Variants in BMAL1 observed in about 807,000 individuals in gnomAD.
BMAL1 encodes basic helix-loop-helix ARNT like 1.
chr11:13,348,945 A>G, the BMAL1 span, among the ~76,000 whole-genome samples: 1 of 152,218 alleles, frequency 6.6e-6, no homozygotes. Context: ...AAAGGTCAGG[A>G]AAGCCCCGTT....
At chr11:13,377,893 G>A in the BMAL1 span, among the ~76,000 whole-genome samples, 1 of 152,180 alleles carries the variant, frequency 6.6e-6, no homozygotes, top group Non-Finnish European at 1.5e-5. Context: ...CTCAGCTCGG[G>A]GTTAACTTGC....
the BMAL1 span, among the ~76,000 whole-genome samples, chr11:13,377,269 G>T: frequency 2.0e-5 from 3 of 152,126 alleles, no homozygotes; most frequent in Admixed American, 1.3e-4. Context: ...CCGAGCTCCA[G>T]ATCTGTCTCT....
chr11:13,363,127 CATATATAT>C, the BMAL1 span, among the ~76,000 whole-genome samples: 2,397 of 109,790 alleles, frequency 0.022, 47 homozygotes, highest in African/African-American at 0.041. Context: ...GTCTTTATTT[CATATATAT>C]ATATATATAT....
At chr11:13,356,243 C>T in the BMAL1 span, 1 of 457,020 alleles carries the variant, frequency 2.2e-6, no homozygotes, top group Admixed American at 2.4e-5. Flanking sequence ...GGGCTCTGCT[C>T]AGTACTTTGT....
the BMAL1 span, among the ~76,000 whole-genome samples, chr11:13,297,244 T>C: frequency 2.6e-5 from 4 of 152,136 alleles, no homozygotes; most frequent in African/African-American, 9.7e-5. Context: ...CCCTGTGCTA[T>C]GGAGGAAAGG....
the BMAL1 span, chr11:13,277,203 C>T: frequency 0.25 from 38,057 of 152,304 alleles, 5,116 homozygotes; most frequent in East Asian, 0.46. Flanking sequence ...AAATTGGTTT[C>T]CTAGATGGAG....
chr11:13,384,929 TAA>T, the BMAL1 span, among the ~76,000 whole-genome samples: 23 of 152,314 alleles, frequency 1.5e-4, no homozygotes, highest in East Asian at 4.2e-3. Flanking sequence ...ATGATTTTTT[TAA>T]GAGTGTAAAA....
the BMAL1 span, chr11:13,379,874 A>C: frequency 6.6e-6 from 1 of 152,214 alleles, no homozygotes. Context: ...GATACTGTGC[A>C]GTTTGGAAGA....
chr11:13,357,469 C>T, the BMAL1 span, among the ~76,000 whole-genome samples: 1 of 152,342 alleles, frequency 6.6e-6, no homozygotes, highest in South Asian at 2.1e-4. The surrounding 1 kb of genome is among the most constrained non-coding windows in gnomAD (Gnocchi z 4.8). Flanking sequence ...TGTCAGGGGC[C>T]CCTATTGCAC....
the BMAL1 span, among the ~76,000 whole-genome samples, chr11:13,300,897 A>G: frequency 3.9e-5 from 6 of 152,134 alleles, no homozygotes; most frequent in African/African-American, 1.4e-4. Flanking sequence ...TGGCTTTGGA[A>G]TGATGGGGAA....
At chr11:13,381,348 T>A in the BMAL1 span, 1 of 1,183,214 alleles carries the variant, frequency 8.5e-7, no homozygotes, top group Non-Finnish European at 1.2e-6. Flanking sequence ...CTGCGATTGC[T>A]GAAACAATTT....
chr11:13,307,230 A>C, the BMAL1 span, among the ~76,000 whole-genome samples: 1 of 151,900 alleles, frequency 6.6e-6, no homozygotes, highest in Non-Finnish European at 1.5e-5. Flanking sequence ...CAGTGCAGGA[A>C]CTCTTCATGG....
the BMAL1 span, among the ~76,000 whole-genome samples, chr11:13,370,578 T>C: frequency 2.0e-5 from 3 of 152,174 alleles, no homozygotes; most frequent in Non-Finnish European, 4.4e-5. Context: ...ATCCCGTTAG[T>C]TATGAAGTCC....
chr11:13,281,183 G>A, the BMAL1 span, among the ~76,000 whole-genome samples: 1 of 152,082 alleles, frequency 6.6e-6, no homozygotes, highest in African/African-American at 2.4e-5. Context: ...TTTGTCCTTA[G>A]TCTCCCCTGC....
At chr11:13,346,541 T>G in the BMAL1 span, among the ~76,000 whole-genome samples, 1 of 152,198 alleles carries the variant, frequency 6.6e-6, no homozygotes, top group East Asian at 1.9e-4. Flanking sequence ...TGCCCTCACC[T>G]TTCTCAGCTG....
the BMAL1 span, among the ~76,000 whole-genome samples, chr11:13,317,521 C>T: frequency 1.3e-5 from 2 of 152,154 alleles, no homozygotes; most frequent in East Asian, 1.9e-4. Flanking sequence ...TGTTTAAAAT[C>T]GTTATGGTAA....
the BMAL1 span, among the ~76,000 whole-genome samples, chr11:13,326,213 A>AG: frequency 4.6e-5 from 7 of 152,052 alleles, no homozygotes; most frequent in South Asian, 1.5e-3. Flanking sequence ...AAAAAAAAAA[A>AG]AAGAGTAGAA....
the BMAL1 span, among the ~76,000 whole-genome samples, chr11:13,316,700 A>G: frequency 6.6e-6 from 1 of 152,214 alleles, no homozygotes; most frequent in East Asian, 1.9e-4. Context: ...CTGAGCTTCA[A>G]CTGACTCATA....
the BMAL1 span, among the ~76,000 whole-genome samples, chr11:13,303,856 TA>T: frequency 1.3e-5 from 2 of 152,048 alleles, no homozygotes; most frequent in African/African-American, 2.4e-5. Flanking sequence ...ATGTGCCGCC[TA>T]AAAAAAGGAA....
Sources: gnomAD v4.1 joint callset for allele counts (sites outside exome capture counted in the v4.1 genomes callset) on GRCh38, gnomAD v4.1.1 for gene constraint, Gnocchi (gnomAD v3.1) non-coding constraint, MANE v1.5 for transcripts, NCBI Gene and HGNC (gene_info 2026-07-23, HGNC 2026-07-21) for gene names.